The following AKAP9 variants were observed in gnomAD, a reference collection of about 807,000 sequenced individuals.
AKAP9 encodes the protein A-kinase anchor protein 9.
A neutral mutation model predicts 488.5 loss-of-function variants in AKAP9; 311 were observed. The observed-to-expected ratio is 0.64, with a 90% CI of 0.58 to 0.70. The LOEUF is 0.70. Ranked by LOEUF, AKAP9 falls within the 30% of genes least tolerant of loss-of-function variation. AKAP9 has a pLI of 0.00. For missense variants in AKAP9, 4,215 were observed against 4,374.5 expected (o/e 0.96, Z 1.03); for synonymous variants, 1,462 against 1,483.5 (o/e 0.99, Z 0.33).
intron 46 of AKAP9, among the ~76,000 whole-genome samples, chr7:92,105,243 C>A (rs996951633): frequency 6.6e-6 from 1 of 152,168 alleles, no homozygotes; most frequent in South Asian, 2.1e-4. Context: ...AGAGCTTCAC[C>A]CACCTTGCAG....
rs916216692 is a variant in AKAP9 at position 92,038,695 on chromosome 7, C to A, written c.4615C>A (p.Pro1539Thr). 6.2e-7 allele frequency: 1 copy of A among 1,606,814 alleles called. No individual in the cohort carries two copies. Among genetic ancestry groups the A allele is most frequent in the African/African-American group, 1.3e-5 (1 of 74,390 alleles). The change falls in exon 17 of 50, where the codon CCA becomes ACA. Residue 1539 changes from proline (P) to threonine (T), a missense_variant. This residue lies in a region of AKAP9 where 2,361 missense variants were observed against 2,430.0 expected (regional missense o/e 0.97). Coordinates refer to ENST00000356239, the MANE Select transcript of AKAP9 (RefSeq NM_005751.5). ...ATCAAATAGTGATCCCCATGATATACCAGAATCAAAGGACTGTGTGCTGAC... is the reference window on the plus strand; with the variant it reads ...ATCAAATAGTGATCCCCATGATATAACAGAATCAAAGGACTGTGTGCTGAC... ...LLSNSDPHDI[P>T]ESKDCVLTIS...
intron 9 of AKAP9, 103 bp downstream of exon 9, chr7:92,012,745 T>G (rs1584110004): frequency 1.1e-6 from 1 of 950,326 alleles, no homozygotes; most frequent in Non-Finnish European, 1.6e-6. Context: ...CAGAGGAAGG[T>G]GATTTGTTTA....
chr7:91,965,536 T>C (rs1794336224), intron 1 of AKAP9, among the ~76,000 whole-genome samples: 1 of 152,208 alleles, frequency 6.6e-6, no homozygotes, highest in African/African-American at 2.4e-5. Flanking sequence ...TTTCTTTCTT[T>C]TGAATATGTC....
At chr7:91,996,752 T>C (rs1359333147) in intron 7 of AKAP9, among the ~76,000 whole-genome samples, 1 of 152,204 alleles carries the variant, frequency 6.6e-6, no homozygotes, top group African/African-American at 2.4e-5. Flanking sequence ...ATAATACTTT[T>C]TATAAACTTA....
intron 1 of AKAP9, among the ~76,000 whole-genome samples, chr7:91,946,073 C>G (rs185518406): frequency 1.9e-3 from 295 of 152,120 alleles, no homozygotes; most frequent in African/African-American, 6.7e-3. Context: ...AAGAGTAGTT[C>G]CAATTGTGTA....
chr7:92,077,097 T>C (rs1219153193), intron 29 of AKAP9, 90 bp downstream of exon 29: 5 of 227,610 alleles, frequency 2.2e-5, no homozygotes, highest in Non-Finnish European at 3.6e-5. Flanking sequence ...TATTTCTTTC[T>C]TTTTTTTTTT....
chr7:91,964,900 T>A (rs898469666), intron 1 of AKAP9, among the ~76,000 whole-genome samples: 1 of 152,180 alleles, frequency 6.6e-6, no homozygotes, highest in African/African-American at 2.4e-5. Flanking sequence ...AAATTTACTT[T>A]AAAATTTTTA....
At position 92,077,736 on chromosome 7, in the gene AKAP9, A is replaced by T. The variant is rs765553799; in HGVS notation, c.6806A>T (p.Asp2269Val). 1.6e-5 allele frequency: 26 copies of T among 1,613,814 alleles called. No homozygotes were observed. The East Asian group carries it at 5.6e-4, about 35-fold the overall frequency. The change falls in exon 30 of 50, where the codon GAT becomes GTT. Residue 2269 changes from aspartate (D) to valine (V), a missense_variant. Asp to Val is a radical substitution (Grantham distance 152, BLOSUM62 -3). Coordinates refer to ENST00000356239, the MANE Select transcript of AKAP9 (RefSeq NM_005751.5). ...EKLGLAIKESDAMSTQDQHVL... is the reference protein window; with the variant it reads ...EKLGLAIKESVAMSTQDQHVL... ...CTGGGACTTGCCATAAAGGAATCTG[A>T]TGCCATGTCTACTCAAGACCAACAT...
intron 7 of AKAP9, among the ~76,000 whole-genome samples, chr7:91,997,978 A>C (rs998144012): frequency 3.3e-5 from 5 of 152,326 alleles, no homozygotes; most frequent in African/African-American, 1.2e-4. Flanking sequence ...TCCCTAGACC[A>C]GTGGTCCCCA....
rs567820610 is a variant in AKAP9, at chr7:91,963,604, G to A, written c.49-10107G>A. Among the ~76,000 whole-genome samples, 17 of 151,290 alleles carry A rather than the reference G, an allele frequency of 1.1e-4. No individual in the cohort carries two copies. The South Asian group carries it at 2.9e-3, about 26-fold the overall frequency. ...ATGATCTCGGCTCACTGCAAGCTCC[G>A]CCTCCCGGATTCACACCATTCTCCT... On this transcript the variant is annotated intron_variant, in intron 1 of 49. Transcript: ENST00000356239.
At chr7:91,958,814 C>G (rs1207447972) in intron 1 of AKAP9, among the ~76,000 whole-genome samples, 4 of 151,710 alleles carry the variant, frequency 2.6e-5, no homozygotes, top group Admixed American at 6.6e-5. Context: ...CAGCTTTGTT[C>G]TTTTTTATCC....
At chr7:92,053,675 T>G (rs1326155176) in intron 22 of AKAP9, among the ~76,000 whole-genome samples, 3 of 152,202 alleles carry the variant, frequency 2.0e-5, no homozygotes, top group Non-Finnish European at 4.4e-5. Flanking sequence ...TTATTTAGCT[T>G]CTTCTGTATT....
intron 24 of AKAP9, chr7:92,063,407 C>A: frequency 1.1e-6 from 1 of 933,828 alleles, no homozygotes; most frequent in Non-Finnish European, 1.3e-6. Flanking sequence ...AAGTAGAAGA[C>A]ATATAAATTA....
At chr7:92,068,233 G>A (rs1476735975) in intron 26 of AKAP9, among the ~76,000 whole-genome samples, 2 of 151,556 alleles carry the variant, frequency 1.3e-5, no homozygotes, top group Admixed American at 1.3e-4. Flanking sequence ...AGGCGTGGTG[G>A]CGGGCACCTG....
At chr7:92,073,121 A>G (rs949562043) in intron 28 of AKAP9, among the ~76,000 whole-genome samples, 3 of 152,182 alleles carry the variant, frequency 2.0e-5, no homozygotes, top group African/African-American at 7.2e-5. Flanking sequence ...ACCCAAATGT[A>G]AAACTAGCGG....
At chr7:91,993,931 C>T (rs967803635) in intron 5 of AKAP9, among the ~76,000 whole-genome samples, 3 of 152,166 alleles carry the variant, frequency 2.0e-5, no homozygotes, top group Non-Finnish European at 4.4e-5. Flanking sequence ...TAGTTTGAGA[C>T]TGGCAGGGTG....
chr7:91,994,099 A>G (rs1398645394), intron 5 of AKAP9, among the ~76,000 whole-genome samples: 1 of 152,202 alleles, frequency 6.6e-6, no homozygotes, highest in Admixed American at 6.5e-5. Flanking sequence ...GCTGCACTCT[A>G]GCCTGTACAA....
chr7:91,997,742 A>C (rs897458619), intron 7 of AKAP9, among the ~76,000 whole-genome samples: 1 of 152,236 alleles, frequency 6.6e-6, no homozygotes, highest in African/African-American at 2.4e-5. Context: ...CTCTGTGGGC[A>C]GTGTAAATTG....
intron 37 of AKAP9, among the ~76,000 whole-genome samples, chr7:92,088,057 A>T (rs1563122353): frequency 6.6e-6 from 1 of 152,128 alleles, no homozygotes; most frequent in Non-Finnish European, 1.5e-5. Context: ...TAGTGTGAAA[A>T]GGTTTGTTAA....
Sources: allele counts gnomAD v4.1 joint callset (sites outside exome capture counted in the v4.1 genomes callset), GRCh38; gene constraint gnomAD v4.1.1; regional missense constraint gnomAD v4.1.1; transcripts MANE v1.5; gene names NCBI Gene and HGNC (gene_info 2026-07-23, HGNC 2026-07-21).